BCKDHB: variants seen among roughly 807,000 people sequenced by gnomAD.
BCKDHB encodes the protein 2-oxoisovalerate dehydrogenase subunit beta, mitochondrial.
In BCKDHB, 41 loss-of-function variants were observed where a neutral mutation model predicts 48.5. The ratio of observed to expected loss-of-function variants is 0.85; its 90% CI spans 0.66 to 1.10. BCKDHB has a LOEUF of 1.10. BCKDHB is among the 50% of genes least tolerant of loss of function. BCKDHB has a pLI of 0.00. For synonymous variants in BCKDHB, 201 were observed against 174.8 expected, an observed-to-expected ratio of 1.15 and a Z score of -1.18; for missense variants, 496 against 494.2, an observed-to-expected ratio of 1.00 and a Z score of -0.03.
intron 8 of BCKDHB, among the ~76,000 whole-genome samples, chr6:80,207,139 A>T (rs1304216740): frequency 6.6e-6 from 1 of 152,014 alleles, no homozygotes; most frequent in Non-Finnish European, 1.5e-5. Context: ...AATATGGAGG[A>T]GAGCATACAC....
the BCKDHB span, among the ~76,000 whole-genome samples, chr6:80,397,701 G>A: frequency 6.6e-6 from 1 of 152,112 alleles, no homozygotes; most frequent in Non-Finnish European, 1.5e-5. Context: ...GTCCAACATG[G>A]TGTAACCCCA....
chr6:80,306,523 AG>A (rs746450454), intron 9 of BCKDHB, among the ~76,000 whole-genome samples: 1 of 152,230 alleles, frequency 6.6e-6, no homozygotes, highest in Non-Finnish European at 1.5e-5. Flanking sequence ...TTGATGAATG[AG>A]TAAGTGTCCT....
At chr6:80,406,765 C>G in the BCKDHB span, among the ~76,000 whole-genome samples, 1 of 152,144 alleles carries the variant, frequency 6.6e-6, no homozygotes, top group Non-Finnish European at 1.5e-5. Flanking sequence ...AGCTATTTGT[C>G]AAATAGGTAG....
At chr6:80,385,710 C>A in the BCKDHB span, among the ~76,000 whole-genome samples, 5 of 152,142 alleles carry the variant, frequency 3.3e-5, no homozygotes, top group Non-Finnish European at 7.3e-5. Context: ...AGACTAAAGT[C>A]CTGGTGGGAC....
At chr6:80,218,942 A>C (rs866797059) in intron 8 of BCKDHB, among the ~76,000 whole-genome samples, 1 of 152,102 alleles carries the variant, frequency 6.6e-6, no homozygotes, top group Non-Finnish European at 1.5e-5. Context: ...TTTATTTTTC[A>C]CTTGAGGTCC....
chr6:80,415,396 G>A, the BCKDHB span, among the ~76,000 whole-genome samples: 1 of 152,102 alleles, frequency 6.6e-6, no homozygotes, highest in Non-Finnish European at 1.5e-5. Context: ...TGAGTATGAT[G>A]TTGGCTGTGG....
At position 80,230,026 on chromosome 6, in the gene BCKDHB, G is replaced by GTTTTTTTTT. The variant is rs551632775; in HGVS notation, c.951+26836_951+26844dup. Among the ~76,000 whole-genome samples the GTTTTTTTTT allele has an allele frequency of 5.5e-3, 334 of 60,618 alleles. 41 individuals are homozygous for GTTTTTTTTT. The highest frequency in any genetic ancestry group is 0.018 in the African/African-American group (264 of 14,442). 39.8% of individuals were successfully genotyped at this position (60,618 alleles called of 152,430 possible). ...TGAATTCCAAAGGGGTTTTTAGGTT[G>GTTTTTTTTT]TTTTTTTTTTTTTTTTTTTTTTTTT... On this transcript the variant is annotated intron_variant, in intron 8 of 9. Coordinates refer to ENST00000320393, the MANE Select transcript of BCKDHB (RefSeq NM_183050.4).
At chr6:80,407,594 G>A in the BCKDHB span, among the ~76,000 whole-genome samples, 1 of 152,120 alleles carries the variant, frequency 6.6e-6, no homozygotes, top group Non-Finnish European at 1.5e-5. Flanking sequence ...GGATTCCTGG[G>A]TATTTTATTC....
chr6:80,301,282 A>C (rs1269642168), intron 9 of BCKDHB, among the ~76,000 whole-genome samples: 1 of 152,168 alleles, frequency 6.6e-6, no homozygotes, highest in African/African-American at 2.4e-5. Context: ...GATTGACAGA[A>C]CACTAGCTAG....
At chr6:80,189,967 A>T (rs1471752400) in intron 6 of BCKDHB, among the ~76,000 whole-genome samples, 1 of 152,112 alleles carries the variant, frequency 6.6e-6, no homozygotes, top group Non-Finnish European at 1.5e-5. Flanking sequence ...CTGGCTATGT[A>T]AATAAACTTG....
intron 8 of BCKDHB, among the ~76,000 whole-genome samples, chr6:80,223,674 G>A (rs957575669): frequency 6.5e-4 from 99 of 152,228 alleles, no homozygotes; most frequent in African/African-American, 2.3e-3. Flanking sequence ...AAAAGGAGGC[G>A]ATTAATCCTC....
At chr6:80,326,540 C>T (rs954221261) in intron 9 of BCKDHB, among the ~76,000 whole-genome samples, 2 of 152,136 alleles carry the variant, frequency 1.3e-5, no homozygotes, top group Non-Finnish European at 2.9e-5. Context: ...TTTTTAGAAA[C>T]TTTGTAGGAT....
At chr6:80,180,593 T>C (rs1300745013) in intron 6 of BCKDHB, among the ~76,000 whole-genome samples, 2 of 152,362 alleles carry the variant, frequency 1.3e-5, no homozygotes, top group South Asian at 2.1e-4. Context: ...ATCCTTGTAT[T>C]GTTTGTCTTG....
intron 3 of BCKDHB, among the ~76,000 whole-genome samples, chr6:80,141,387 A>G (rs1393381661): frequency 4.6e-5 from 7 of 152,084 alleles, no homozygotes; most frequent in Non-Finnish European, 7.4e-5. Flanking sequence ...AAAAAAATCT[A>G]TTTTTGTGAT....
chr6:80,208,125 G>A (rs1167704282), intron 8 of BCKDHB, among the ~76,000 whole-genome samples: 1 of 151,788 alleles, frequency 6.6e-6, no homozygotes, highest in East Asian at 1.9e-4. Flanking sequence ...GAGTCATTGA[G>A]ATTATGTTCT....
chr6:80,293,959 T>G (rs891817230), intron 9 of BCKDHB, among the ~76,000 whole-genome samples: 1 of 152,226 alleles, frequency 6.6e-6, no homozygotes, highest in Non-Finnish European at 1.5e-5. Flanking sequence ...TGGACCTTAT[T>G]GTCCATATCA....
At chr6:80,115,641 C>CTTTT (rs760255958) in intron 1 of BCKDHB, among the ~76,000 whole-genome samples, 2 of 142,936 alleles carry the variant, frequency 1.4e-5, no homozygotes, top group African/African-American at 5.1e-5. Context: ...GCTGGGGTTT[C>CTTTT]TTTTTTTTTT....
chr6:80,114,158 G>A (rs1002532235), intron 1 of BCKDHB, among the ~76,000 whole-genome samples: 12 of 152,162 alleles, frequency 7.9e-5, no homozygotes, highest in African/African-American at 2.4e-4. Context: ...GTCAGCATGA[G>A]TTGGCCTTAG....
chr6:80,142,538 G>A (rs1771274307), intron 3 of BCKDHB, among the ~76,000 whole-genome samples: 1 of 152,010 alleles, frequency 6.6e-6, no homozygotes, highest in Non-Finnish European at 1.5e-5. Context: ...TGGGACACAG[G>A]AATGGGAATA....
Sources: gnomAD v4.1 joint callset for allele counts (sites outside exome capture counted in the v4.1 genomes callset) on GRCh38, gnomAD v4.1.1 for gene constraint, MANE v1.5 for transcripts, NCBI Gene and HGNC (gene_info 2026-07-23, HGNC 2026-07-21) for gene names.